UNC5D: variants seen among roughly 807,000 people sequenced by gnomAD.
The protein encoded by UNC5D is unc-5 netrin receptor D, also known as netrin receptor UNC5D.
Under a neutral mutation model 105.4 loss-of-function variants are expected in UNC5D, and 39 were observed. The observed-to-expected ratio is 0.37, with a 90% CI of 0.29 to 0.48. The LOEUF is 0.48. UNC5D is among the 20% of genes least tolerant of loss of function. UNC5D has a pLI of 0.98. For missense variants in UNC5D, 991 were observed against 1,202.4 expected (o/e 0.82, Z 2.60); for synonymous variants, 452 against 450.4 (o/e 1.00, Z -0.04).
chr8:35,329,617 T>C (rs1010635167), intron 1 of UNC5D, among the ~76,000 whole-genome samples: 3 of 152,016 alleles, frequency 2.0e-5, no homozygotes, highest in Non-Finnish European at 2.9e-5. Context: ...CCTTTCCATG[T>C]ATTAGGCCAT....
At chr8:35,700,063 T>G (rs1245166490) in intron 7 of UNC5D, among the ~76,000 whole-genome samples, 1 of 152,202 alleles carries the variant, frequency 6.6e-6, no homozygotes, top group African/African-American at 2.4e-5. Flanking sequence ...GGCATAGTGT[T>G]GTTGCCAATG....
Position 35,299,169 on chromosome 8 carries a change from G to C in UNC5D, c.103+63282G>C, listed in dbSNP as rs114224226. Among the ~76,000 whole-genome samples, 1,390 of 152,286 alleles carry C rather than the reference G, an allele frequency of 9.1e-3. 27 individuals carry two copies. The highest frequency in any genetic ancestry group is 0.033 in the African/African-American group (1,361 of 41,570). On this transcript the variant is annotated intron_variant, in intron 1 of 16. Coordinates refer to ENST00000404895, the MANE Select transcript of UNC5D (RefSeq NM_080872.4). The stretch of plus-strand genomic sequence containing the variant: ...CTGAGGAAGTAGAGTTGACATTTGA[G>C]CTTGAAGGACCAATTGGAATAAGGT...
chr8:35,638,369 A>C (rs1822509614), intron 4 of UNC5D, among the ~76,000 whole-genome samples: 1 of 152,228 alleles, frequency 6.6e-6, no homozygotes, highest in African/African-American at 2.4e-5. Context: ...AGTATCTGGC[A>C]CAAATTAATA....
intron 1 of UNC5D, among the ~76,000 whole-genome samples, chr8:35,317,116 G>T (rs1809365896): frequency 6.6e-6 from 1 of 152,072 alleles, no homozygotes; most frequent in African/African-American, 2.4e-5. Flanking sequence ...TTTTTCCAAG[G>T]TCCCATAGCT....
intron 1 of UNC5D, among the ~76,000 whole-genome samples, chr8:35,519,238 A>G (rs1470333015): frequency 6.6e-6 from 1 of 152,154 alleles, no homozygotes; most frequent in Non-Finnish European, 1.5e-5. Context: ...TAAAACTAAA[A>G]TAATATGATC....
chr8:35,530,090 G>C (rs918310650), intron 1 of UNC5D, among the ~76,000 whole-genome samples: 2 of 151,864 alleles, frequency 1.3e-5, no homozygotes, highest in Admixed American at 1.3e-4. Flanking sequence ...ATGTTGAATA[G>C]GAGTGGTGAG....
chr8:35,632,400 T>C (rs1822097488), intron 4 of UNC5D, among the ~76,000 whole-genome samples: 1 of 152,216 alleles, frequency 6.6e-6, no homozygotes, highest in Non-Finnish European at 1.5e-5. Context: ...CTCTTATTTG[T>C]AATCACAATG....
chr8:35,313,692 C>G lies in UNC5D; in HGVS notation c.103+77805C>G, dbSNP rs188140479. 3.2e-3 allele frequency among the ~76,000 whole-genome samples: 485 copies of G among 152,258 alleles called. 3 individuals are homozygous for G. The highest frequency in any genetic ancestry group is 0.011 in the African/African-American group (465 of 41,570). On this transcript the variant is annotated intron_variant, in intron 1 of 16. Transcript: ENST00000404895. ...AGAATAGGGCTGCCCAGGTGCAAAT[C>G]CTGGCTCTGCCACATGGGAGCTATG...
At chr8:35,344,442 A>G (rs771892780) in intron 1 of UNC5D, among the ~76,000 whole-genome samples, 4 of 151,976 alleles carry the variant, frequency 2.6e-5, no homozygotes, top group Non-Finnish European at 5.9e-5. Flanking sequence ...CTGTGTAACT[A>G]CAGAAGACTG....
chr8:35,755,855 T>C (rs977498902), intron 13 of UNC5D, among the ~76,000 whole-genome samples: 2 of 152,214 alleles, frequency 1.3e-5, no homozygotes, highest in East Asian at 3.9e-4. Flanking sequence ...ACTGGAAAAA[T>C]CAAATTACTA....
chr8:35,481,452 A>G (rs556743192), intron 1 of UNC5D, among the ~76,000 whole-genome samples: 1 of 152,260 alleles, frequency 6.6e-6, no homozygotes, highest in South Asian at 2.1e-4. Context: ...AATCAAAACA[A>G]TCAAAACAGA....
chr8:35,759,191 T>G, intron 13 of UNC5D, 129 bp from the exon 14 acceptor site: 2 of 981,788 alleles, frequency 2.0e-6, no homozygotes. Context: ...TAAAGAAGTA[T>G]GTTTCTCCTA....
At chr8:35,744,689 T>A (rs771922437) in intron 11 of UNC5D, among the ~76,000 whole-genome samples, 3 of 152,142 alleles carry the variant, frequency 2.0e-5, no homozygotes, top group South Asian at 4.1e-4. Context: ...CAACAAGTAT[T>A]TTTGAGTGCT....
At chr8:35,511,474 TAAAA>T (rs60185539) in intron 1 of UNC5D, among the ~76,000 whole-genome samples, 13 of 96,938 alleles carry the variant, frequency 1.3e-4, no homozygotes, top group African/African-American at 2.7e-4. Flanking sequence ...CCTCTAAGAT[TAAAA>T]AAAAAAAAAA....
chr8:35,739,496 G>A (rs1486854500), intron 11 of UNC5D, among the ~76,000 whole-genome samples: 1 of 152,184 alleles, frequency 6.6e-6, no homozygotes, highest in Non-Finnish European at 1.5e-5. Context: ...ATGATTGAGT[G>A]CATTTGAAGA....
intron 4 of UNC5D, among the ~76,000 whole-genome samples, chr8:35,661,737 T>C (rs554468636): frequency 6.6e-6 from 1 of 152,332 alleles, no homozygotes; most frequent in East Asian, 1.9e-4. Context: ...TCCTGTCTTA[T>C]AGCATTTTAC....
chr8:35,466,515 G>A (rs1019166357), intron 1 of UNC5D, among the ~76,000 whole-genome samples: 1 of 152,044 alleles, frequency 6.6e-6, no homozygotes, highest in Non-Finnish European at 1.5e-5. Flanking sequence ...TTGTAAAAAT[G>A]CAACACATTG....
intron 1 of UNC5D, among the ~76,000 whole-genome samples, chr8:35,319,855 T>A (rs1474362224): frequency 6.6e-6 from 1 of 151,988 alleles, no homozygotes; most frequent in South Asian, 2.1e-4. Context: ...CTTTAAATTA[T>A]TATCAGGCCC....
intron 1 of UNC5D, among the ~76,000 whole-genome samples, chr8:35,238,387 T>C (rs1230524566): frequency 1.3e-5 from 2 of 152,236 alleles, no homozygotes; most frequent in East Asian, 3.9e-4. Context: ...AGAAGCAATG[T>C]TCTGTTTCCC....
Sources: allele counts gnomAD v4.1 joint callset (sites outside exome capture counted in the v4.1 genomes callset), GRCh38; gene constraint gnomAD v4.1.1; transcripts MANE v1.5; gene names NCBI Gene and HGNC (gene_info 2026-07-23, HGNC 2026-07-21).